DNAH1: variants seen among roughly 807,000 people sequenced by gnomAD.
DNAH1 encodes the protein dynein axonemal heavy chain 1.
In DNAH1, 327 loss-of-function variants were observed where a neutral mutation model predicts 484.3. The ratio of observed to expected loss-of-function variants is 0.68; its 90% CI spans 0.62 to 0.74. The LOEUF (loss-of-function observed/expected upper bound fraction) is 0.74, where lower values mean the gene tolerates loss of function less well. Ranked by LOEUF, DNAH1 falls within the 30% of genes least tolerant of loss-of-function variation. The pLI, the probability that DNAH1 is intolerant of heterozygous loss-of-function variation, is 0.00. For synonymous variants in DNAH1, 2,192 were observed against 2,191.9 expected (o/e 1.00, Z 0.00); for missense variants, 5,052 against 5,546.8 (o/e 0.91, Z 2.83).
chr3:52,373,801 C>A, intron 44 of DNAH1: 1 of 1,422,450 alleles, frequency 7.0e-7, no homozygotes. Context: ...GAATATATCA[C>A]CCATAATTGG....
At position 52,335,153 on chromosome 3, in the gene DNAH1, T is replaced by C. The variant is rs1023115617; in HGVS notation, c.1286+2759T>C. On this transcript the variant is annotated intron_variant, in intron 8 of 77. Transcript: ENST00000420323. ...TTAAACAAAAAAAGCAATGTGTGAT[T>C]TTTTTTTTTTTTTTTTGCTTCTCTC... Among the ~76,000 whole-genome samples the C allele has an allele frequency of 3.8e-5, 3 of 79,636 alleles. No homozygotes were observed. The African/African-American group carries it at 4.0e-4, about 11-fold the overall frequency. The allele number at this position is 79,636 out of a possible 152,430, so 52.2% of individuals were successfully genotyped here. A position where few individuals can be genotyped will look rare whatever the true frequency, so the allele number is the denominator to read the frequency against.
At chr3:52,374,304 A>T (rs1703487341) in intron 44 of DNAH1, 1 of 1,534,756 alleles carries the variant, frequency 6.5e-7, no homozygotes, top group Admixed American at 1.7e-5. Context: ...TTCTTATTGA[A>T]GGTGTTACTA....
intron 66 of DNAH1, among the ~76,000 whole-genome samples, 181 bp from the exon 67 acceptor site, chr3:52,394,284 G>A (rs114844326): frequency 1.3e-3 from 197 of 152,374 alleles, no homozygotes; most frequent in African/African-American, 4.6e-3. Flanking sequence ...TTGCCCTAAG[G>A]GCACACAGCC....
chr3:52,351,305 C>T (rs1702369344), intron 16 of DNAH1, among the ~76,000 whole-genome samples: 1 of 152,204 alleles, frequency 6.6e-6, no homozygotes, highest in African/African-American at 2.4e-5. Context: ...TTGTGGGAAA[C>T]AGCCTTAGGT....
chr3:52,362,640 G>A lies in DNAH1; in HGVS notation c.5094+139G>A. The A allele has an allele frequency of 1.2e-6, 1 of 841,382 alleles. No homozygotes were observed. 52.1% of individuals were successfully genotyped at this position (841,382 alleles called of 1,614,324 possible). A position where few individuals can be genotyped will look rare whatever the true frequency, so the allele number is the denominator to read the frequency against. ...CTATGGTAGCCCCTTAGCCATGGAG[G>A]GGAGGCCTCAGGGCCTCAGACTTGT... On this transcript the variant is annotated intron_variant, in intron 31 of 77. Coordinates refer to ENST00000420323, the MANE Select transcript of DNAH1 (RefSeq NM_015512.5). The surrounding 1 kb of genome is among the most constrained non-coding windows in gnomAD (Gnocchi z 5.1).
At position 52,399,046 on chromosome 3, in the gene DNAH1, C is replaced by T. The variant is rs375547860; in HGVS notation, c.12286C>T (p.Arg4096Cys). The T allele has an allele frequency of 1.7e-5, 28 of 1,613,948 alleles. No homozygotes were observed. The East Asian group carries it at 2.2e-4, about 13-fold the overall frequency. The change falls in exon 76 of 78, where the codon CGC (arginine) becomes TGC (cysteine). Residue 4096 changes from arginine (R) to cysteine (C), a missense_variant. Arg to Cys is a radical substitution (Grantham distance 180, BLOSUM62 -3). Around this residue, in one of 4 missense-constraint regions of DNAH1, gnomAD observed 853 missense variants for 899.0 expected, o/e 0.95. Coordinates refer to ENST00000420323, the MANE Select transcript of DNAH1 (RefSeq NM_015512.5). The part of the protein sequence containing the change: ...LSSWVMDLLQ[R>C]LDFLQAWIQD... Reference sequence around the variant, plus strand: ...ATCATGGGTCATGGACCTGCTGCAACGCCTGGACTTTCTGCAGGCCTGGAT... The same window carrying T: ...ATCATGGGTCATGGACCTGCTGCAATGCCTGGACTTTCTGCAGGCCTGGAT...
Position 52,338,943 on chromosome 3 carries a change from A to G in DNAH1, c.1287-5547A>G, listed in dbSNP as rs912178551. On this transcript the variant is annotated intron_variant, in intron 8 of 77. Coordinates refer to ENST00000420323, the MANE Select transcript of DNAH1 (RefSeq NM_015512.5). ...CAGCTACTTGGGAGGCTGAGGCAGG[A>G]GAATTGCTTGAACCTAGGAGGCAGA... Among the ~76,000 whole-genome samples the G allele has an allele frequency of 3.3e-5, 5 of 150,644 alleles. No individual in the cohort carries two copies. The South Asian group carries it at 1.1e-3, about 32-fold the overall frequency.
chr3:52,380,697 GC>G (rs1357851969), intron 48 of DNAH1, among the ~76,000 whole-genome samples: 1 of 152,210 alleles, frequency 6.6e-6, no homozygotes, highest in African/African-American at 2.4e-5. Flanking sequence ...TCCCCACCAT[GC>G]ACAGGAGGAA....
At position 52,391,541 on chromosome 3, in the gene DNAH1, C is replaced by A; in HGVS notation, c.9990C>A (p.Asn3330Lys). ...TGTACATCACCACCAAGCTGCCCAA[C>A]CCACACTACACGCCCGAGATCTCCA... Reference protein sequence around the residue: ...FRMYITTKLPNPHYTPEISTK... With the variant: ...FRMYITTKLPKPHYTPEISTK... The change falls in exon 63 of 78, where the codon AAC becomes AAA. Residue 3330 changes from asparagine to lysine, a missense_variant. Transcript: ENST00000420323. 6.5e-7 allele frequency: 1 copy of A among 1,534,510 alleles called. No individual in the cohort carries two copies. The highest frequency in any genetic ancestry group is 8.8e-7 in the Non-Finnish European group (1 of 1,141,838).
chr3:52,311,151 T>C, the DNAH1 span, among the ~76,000 whole-genome samples: 1 of 151,992 alleles, frequency 6.6e-6, no homozygotes, highest in African/African-American at 2.4e-5. Flanking sequence ...CCCTGTTGAG[T>C]CCTGCTGGCA....
At chr3:52,356,362 CT>C (rs1172919833) in intron 21 of DNAH1, among the ~76,000 whole-genome samples, 1 of 152,196 alleles carries the variant, frequency 6.6e-6, no homozygotes, top group Non-Finnish European at 1.5e-5. Flanking sequence ...GCTCCCCCGG[CT>C]CCTTTGGAGG....
At chr3:52,372,176 TCC>T in intron 42 of DNAH1, 49 bp from the exon 43 acceptor site, 1 of 1,611,202 alleles carries the variant, frequency 6.2e-7, no homozygotes, top group Non-Finnish European at 8.5e-7. Context: ...GGGCAGCTCC[TCC>T]TGTGCACCAG....
In DNAH1 at chr3:52,382,602, A is replaced by G. The variant is rs978837947; in HGVS notation, c.7941+147A>G. On this transcript the variant is annotated intron_variant, in intron 50 of 77. Coordinates refer to ENST00000420323, the MANE Select transcript of DNAH1 (RefSeq NM_015512.5). ...GAGACCACCAGGACCAGGTGGGGCC[A>G]CAGATGGGCAGGTTGAGAGCATGAG... 10 of 1,326,308 alleles carry G rather than the reference A, an allele frequency of 7.5e-6. No homozygotes were observed. The African/African-American group carries it at 1.2e-4, about 16-fold the overall frequency. 82.2% of individuals were successfully genotyped at this position (1,326,308 alleles called of 1,614,324 possible).
chr3:52,374,358 C>A, intron 44 of DNAH1: 1 of 1,472,148 alleles, frequency 6.8e-7, no homozygotes, highest in Non-Finnish European at 9.5e-7. Flanking sequence ...CCACCCCCAG[C>A]TGGCATACTG....
Position 52,326,746 on chromosome 3 carries a change from A to G in DNAH1, c.593A>G (p.Gln198Arg). The change falls in exon 5 of 78, where the codon CAG (glutamine) becomes CGG (arginine). Residue 198 changes from glutamine to arginine, a missense_variant. By Grantham distance (43) the Gln-to-Arg change is conservative. Around this residue, in one of 4 missense-constraint regions of DNAH1, gnomAD observed 1,263 missense variants for 1,218.8 expected, o/e 1.04. Transcript: ENST00000420323. ...RKIEIERRKQ[Q>R]YLSLDIEQLL... ...CTGCCCTTGACCAGGAGGAAACAGC[A>G]GTACCTGAGCCTGGACATTGAGCAG... 6.2e-7 allele frequency: 1 copy of G among 1,612,724 alleles called. No homozygotes were observed. Among genetic ancestry groups the G allele is most frequent in the Non-Finnish European group, 8.5e-7 (1 of 1,179,032 alleles).
At position 52,349,175 on chromosome 3, in the gene DNAH1, C is replaced by T. The variant is rs774618660; in HGVS notation, c.2301-20C>T. ...CTGCTCACCATCCTCTGCCCCCTCC[C>T]GTGTGCTTGCTGTCCTCAGAACCTA... On this transcript the variant is annotated intron_variant, in intron 13 of 77. Transcript: ENST00000420323. 106 of 1,612,240 alleles carry T rather than the reference C, an allele frequency of 6.6e-5. No individual in the cohort carries two copies. Among genetic ancestry groups the T allele is most frequent in the South Asian group, 1.7e-4 (15 of 90,884 alleles).
In DNAH1 at chr3:52,353,546, T is replaced by G. The variant is rs763961673; in HGVS notation, c.3393T>G (p.Ala1131=). Residue 1131 remains alanine (A), a synonymous_variant, in exon 20 of 78, where the codon GCT becomes GCG. Transcript: ENST00000420323. The surrounding 1 kb of genome is among the most constrained non-coding windows in gnomAD (Gnocchi z 5.0). ...NVRPKANLTF[A]RCLEMNLQDH... ...GGCCCAAGGCCAACCTGACCTTTGC[T>G]CGCTGCCTGGAGATGAACCTGCAGG... is the stretch of plus-strand genomic sequence containing the variant. 1 of 1,613,690 alleles carries G rather than the reference T, an allele frequency of 6.2e-7. No individual in the cohort carries two copies. Among genetic ancestry groups the G allele is most frequent in the Non-Finnish European group, 8.5e-7 (1 of 1,179,814 alleles).
At position 52,381,899 on chromosome 3, in the gene DNAH1, C is replaced by A. The variant is rs1029860838; in HGVS notation, c.7805+63C>A. ...AGGGCTGGCTGGTCGGTTTGACTGA[C>A]CCATGCTTTTGCACAGTGGTAGAGG... On this transcript the variant is annotated intron_variant, in intron 49 of 77. Coordinates refer to ENST00000420323, the MANE Select transcript of DNAH1 (RefSeq NM_015512.5). The surrounding 1 kb of genome is among the most constrained non-coding windows in gnomAD (Gnocchi z 4.1). The A allele has an allele frequency of 6.6e-7, 1 of 1,503,936 alleles. No individual in the cohort carries two copies. The highest frequency in any genetic ancestry group is 8.9e-7 in the Non-Finnish European group (1 of 1,120,084). The allele number at this position is 1,503,936 out of a possible 1,614,324, so 93.2% of individuals were successfully genotyped here. A position where few individuals can be genotyped will look rare whatever the true frequency, so the allele number is the denominator to read the frequency against.
intron 2 of DNAH1, among the ~76,000 whole-genome samples, chr3:52,323,348 A>G (rs1559486284): frequency 6.6e-6 from 1 of 152,114 alleles, no homozygotes; most frequent in East Asian, 1.9e-4. Flanking sequence ...GGGGGGAATG[A>G]CGAGGAGAGA....
Sources: gnomAD v4.1 joint callset for allele counts (sites outside exome capture counted in the v4.1 genomes callset) on GRCh38, gnomAD v4.1.1 for gene constraint, gnomAD v4.1.1 regional missense constraint, Gnocchi (gnomAD v3.1) non-coding constraint, MANE v1.5 for transcripts, NCBI Gene and HGNC (gene_info 2026-07-23, HGNC 2026-07-21) for gene names.